The following SPOCK3 variants were observed in gnomAD, a reference collection of about 807,000 sequenced individuals.
SPOCK3 encodes the protein SPARC (osteonectin), cwcv and kazal like domains proteoglycan 3.
SPOCK3 carries 30 observed loss-of-function variants against 56.6 expected under a neutral mutation model. The ratio of observed to expected loss-of-function variants is 0.53; its 90% CI spans 0.40 to 0.72. SPOCK3 has a LOEUF of 0.72. SPOCK3 is among the 30% of genes least tolerant of loss of function. The pLI, the probability that SPOCK3 is intolerant of heterozygous loss-of-function variation, is 0.00. For missense variants in SPOCK3, 527 were observed against 530.0 expected, an observed-to-expected ratio of 0.99 and a Z score of 0.06; for synonymous variants, 196 against 183.3, an observed-to-expected ratio of 1.07 and a Z score of -0.56.
chr4:166,769,589 C>T (rs2126561362), intron 7 of SPOCK3, among the ~76,000 whole-genome samples: 1 of 152,274 alleles, frequency 6.6e-6, no homozygotes, highest in Middle Eastern at 3.4e-3. Context: ...AGGTGTCAGT[C>T]TGCCCCTACT....
At chr4:167,033,495 A>G (rs1035957747) in intron 3 of SPOCK3, among the ~76,000 whole-genome samples, 1 of 151,580 alleles carries the variant, frequency 6.6e-6, no homozygotes, top group East Asian at 1.9e-4. Context: ...CCAGTCTTAT[A>G]AGAATTTTTC....
At chr4:167,161,678 G>A (rs1765322276) in intron 2 of SPOCK3, among the ~76,000 whole-genome samples, 2 of 152,062 alleles carry the variant, frequency 1.3e-5, no homozygotes. Context: ...AAGAAAATGT[G>A]GCACATATAC....
intron 4 of SPOCK3, among the ~76,000 whole-genome samples, chr4:166,916,816 A>G (rs1737904032): frequency 6.6e-6 from 1 of 152,216 alleles, no homozygotes; most frequent in Admixed American, 6.5e-5. Context: ...TGAGTAATCC[A>G]TCAGTCTATA....
chr4:167,021,672 T>C (rs1007979792), intron 3 of SPOCK3, among the ~76,000 whole-genome samples: 1 of 151,926 alleles, frequency 6.6e-6, no homozygotes, highest in Admixed American at 6.6e-5. Flanking sequence ...TTACAGCCAC[T>C]GTCCTAGTAG....
At chr4:167,017,913 T>TCC (rs1443397628) in intron 3 of SPOCK3, among the ~76,000 whole-genome samples, 92 of 152,240 alleles carry the variant, frequency 6.0e-4, no homozygotes, top group African/African-American at 2.1e-3. Context: ...TTAGATTGAA[T>TCC]TATTTTATTC....
At chr4:167,205,530 T>TATAATA (rs1343035754) in intron 2 of SPOCK3, among the ~76,000 whole-genome samples, 98 of 60,126 alleles carry the variant, frequency 1.6e-3, no homozygotes, top group Admixed American at 2.8e-3. Context: ...ATATATATTA[T>TATAATA]TATATAATAT....
intron 2 of SPOCK3, among the ~76,000 whole-genome samples, chr4:167,125,076 T>G (rs1445597771): frequency 1.3e-5 from 2 of 152,082 alleles, no homozygotes; most frequent in East Asian, 1.9e-4. Context: ...GTTTCGTCCC[T>G]TGCTTACTAT....
chr4:166,778,836 G>GT (rs1739857889), intron 7 of SPOCK3, among the ~76,000 whole-genome samples: 1 of 151,926 alleles, frequency 6.6e-6, no homozygotes, highest in African/African-American at 2.4e-5. Flanking sequence ...AATTTTTGCT[G>GT]TTTTTTAAGT....
intron 2 of SPOCK3, among the ~76,000 whole-genome samples, chr4:167,071,391 G>GC (rs987181216): frequency 6.7e-6 from 1 of 148,986 alleles, no homozygotes; most frequent in Non-Finnish European, 1.5e-5. Context: ...CCCTCCCCTA[G>GC]CCCCCCACCC....
At chr4:167,173,996 A>G (rs1010592349) in intron 2 of SPOCK3, among the ~76,000 whole-genome samples, 3 of 152,132 alleles carry the variant, frequency 2.0e-5, no homozygotes, top group Non-Finnish European at 4.4e-5. Context: ...CATGCAACAT[A>G]ATTCATTCCA....
At chr4:166,926,628 A>G (rs1739138760) in intron 4 of SPOCK3, among the ~76,000 whole-genome samples, 1 of 152,076 alleles carries the variant, frequency 6.6e-6, no homozygotes. Flanking sequence ...AAGCAACCCA[A>G]CAGCTGGTAG....
chr4:166,855,145 T>C (rs1274412248), intron 6 of SPOCK3, among the ~76,000 whole-genome samples: 1 of 152,158 alleles, frequency 6.6e-6, no homozygotes, highest in East Asian at 1.9e-4. Context: ...TTGCTGTCAG[T>C]GAATTTTCAG....
At chr4:166,749,215 T>C (rs1474325633) in intron 8 of SPOCK3, among the ~76,000 whole-genome samples, 1 of 137,454 alleles carries the variant, frequency 7.3e-6, no homozygotes, top group Non-Finnish European at 1.5e-5. Context: ...CTGCTCACAA[T>C]AGCAAAGACT....
At chr4:167,048,565 T>C (rs1232907419) in intron 3 of SPOCK3, among the ~76,000 whole-genome samples, 3 of 152,124 alleles carry the variant, frequency 2.0e-5, no homozygotes, top group Non-Finnish European at 4.4e-5. Context: ...ACAAATGCCT[T>C]AGAAAAACGT....
intron 3 of SPOCK3, among the ~76,000 whole-genome samples, chr4:167,007,220 A>T (rs189690652): frequency 1.3e-5 from 2 of 152,090 alleles, no homozygotes; most frequent in East Asian, 1.9e-4. Context: ...ATCCTTTTGT[A>T]TCTGTAGAGT....
chr4:166,749,376 C>T (rs6834638), intron 8 of SPOCK3, among the ~76,000 whole-genome samples: 96,898 of 121,786 alleles, frequency 0.8, 39,865 homozygotes, highest in Non-Finnish European at 0.83. Flanking sequence ...TCTGAGCAAA[C>T]TATCACAAGG....
intron 6 of SPOCK3, among the ~76,000 whole-genome samples, chr4:166,809,656 G>A (rs1157625494): frequency 6.6e-6 from 1 of 151,980 alleles, no homozygotes; most frequent in Non-Finnish European, 1.5e-5. Context: ...ATACGATAAA[G>A]CTAATGACAT....
chr4:166,847,011 A>G (rs1221482220), intron 6 of SPOCK3, among the ~76,000 whole-genome samples: 2 of 152,144 alleles, frequency 1.3e-5, no homozygotes, highest in African/African-American at 2.4e-5. Context: ...CCTTTTGACA[A>G]AAGTAAAATG....
intron 2 of SPOCK3, among the ~76,000 whole-genome samples, chr4:167,116,822 TATATA>T (rs1315265743): frequency 1.4e-5 from 2 of 141,008 alleles, no homozygotes; most frequent in African/African-American, 2.6e-5. Context: ...TAGATGTATA[TATATA>T]AAAGTATATA....
Sources: gnomAD v4.1 joint callset for allele counts (sites outside exome capture counted in the v4.1 genomes callset) on GRCh38, gnomAD v4.1.1 for gene constraint, MANE v1.5 for transcripts, NCBI Gene and HGNC (gene_info 2026-07-23, HGNC 2026-07-21) for gene names.